Variants in DMXL2 observed in about 807,000 individuals in gnomAD.
The protein encoded by DMXL2 is dmX-like protein 2.
DMXL2 carries 103 observed loss-of-function variants against 331.1 expected under a neutral mutation model. The ratio of observed to expected loss-of-function variants is 0.31; its 90% CI spans 0.27 to 0.37. The LOEUF (loss-of-function observed/expected upper bound fraction) is 0.37. Ranked by LOEUF, DMXL2 falls within the 10% of genes least tolerant of loss-of-function variation. The probability of loss-of-function intolerance (pLI) is 1.00; values close to 1 mark genes in which losing one functional copy is unlikely to be tolerated. For synonymous variants in DMXL2, 1,281 were observed against 1,252.1 expected, an observed-to-expected ratio of 1.02 and a Z score of -0.49; for missense variants, 3,171 against 3,642.9, an observed-to-expected ratio of 0.87 and a Z score of 3.33.
At chr15:51,507,738 T>C (rs766495391) in intron 15 of DMXL2, among the ~76,000 whole-genome samples, 5 of 151,894 alleles carry the variant, frequency 3.3e-5, no homozygotes, top group Admixed American at 6.6e-5. Flanking sequence ...TTACGCCTTA[T>C]TTAGAAAACT....
At position 51,480,656 on chromosome 15, in the gene DMXL2, T is replaced by C; in HGVS notation, c.6450A>G (p.Lys2150=). ...HAERRKSWLQ[K]NQDLLRVFLS... is the part of the protein sequence containing the mutation. ...GAAATACTCTCAGGAGATCTTGGTT[T>C]TTCTGCAACCACGACTTTCGTCTTT... Residue 2150 remains lysine (K), a synonymous_variant, in exon 24 of 44, where the codon AAA becomes AAG. Coordinates refer to ENST00000560891, the MANE Select transcript of DMXL2 (RefSeq NM_001378457.1). 1 of 1,612,822 alleles carries C rather than the reference T, an allele frequency of 6.2e-7. No homozygotes were observed.
chr15:51,621,942 G>C (rs1285115335), intron 1 of DMXL2, among the ~76,000 whole-genome samples: 1 of 152,154 alleles, frequency 6.6e-6, no homozygotes, highest in Non-Finnish European at 1.5e-5. Context: ...ACAGAGTCAG[G>C]CTTAAAGCCA....
chr15:51,591,574 G>A (rs962115078), intron 1 of DMXL2, among the ~76,000 whole-genome samples: 1 of 152,238 alleles, frequency 6.6e-6, no homozygotes. Context: ...CAGCCTTGAA[G>A]AGAGCAGTGG....
intron 42 of DMXL2, among the ~76,000 whole-genome samples, chr15:51,451,338 C>T (rs1032389307): frequency 1.3e-5 from 2 of 152,160 alleles, no homozygotes; most frequent in Non-Finnish European, 2.9e-5. Flanking sequence ...TTCTATTAAG[C>T]TCAATGAATA....
chr15:51,574,996 A>G (rs748559431), intron 2 of DMXL2, among the ~76,000 whole-genome samples: 1 of 152,144 alleles, frequency 6.6e-6, no homozygotes, highest in Non-Finnish European at 1.5e-5. Flanking sequence ...GACACTCCCC[A>G]TGTTTTCTAA....
chr15:51,498,813 G>A lies in DMXL2; in HGVS notation c.4411C>T (p.Leu1471=), dbSNP rs900569322. ...GTTGGTATATCCTGGATTTGAAACA[G>A]CTCTGAATACTGATCCTCTGGTTGA... ...VSQPEDQYSE[L]FQIQDIPTDD... Residue 1471 remains leucine, a synonymous_variant, in exon 18 of 44, where the codon CTG becomes TTG. Transcript: ENST00000560891. 1.2e-6 allele frequency: 2 copies of A among 1,614,044 alleles called. No individual in the cohort carries two copies. Among genetic ancestry groups the A allele is most frequent in the Admixed American group, 3.3e-5 (2 of 60,008 alleles).
At chr15:51,535,575 A>G (rs564367559) in intron 13 of DMXL2, 88 bp downstream of exon 13, 1 of 1,237,698 alleles carries the variant, frequency 8.1e-7, no homozygotes, top group South Asian at 1.7e-5. Context: ...CTCCCTAAAC[A>G]GCAACTAACA....
At chr15:51,546,155 CTAT>C (rs2048878721) in intron 7 of DMXL2, among the ~76,000 whole-genome samples, 1 of 152,066 alleles carries the variant, frequency 6.6e-6, no homozygotes, top group South Asian at 2.1e-4. Flanking sequence ...ATCCTCCTTC[CTAT>C]AACCCAAACA....
At chr15:51,540,441 G>A (rs1386191271) in intron 9 of DMXL2, among the ~76,000 whole-genome samples, 1 of 152,038 alleles carries the variant, frequency 6.6e-6, no homozygotes. Flanking sequence ...GGTATATTTA[G>A]GGTATTGTAA....
chr15:51,571,652 C>T (rs893679441), intron 2 of DMXL2, among the ~76,000 whole-genome samples: 1 of 152,204 alleles, frequency 6.6e-6, no homozygotes, highest in Non-Finnish European at 1.5e-5. Flanking sequence ...CTCACAACTA[C>T]GTGCAAACTG....
In DMXL2 at chr15:51,549,699, C is replaced by T. The variant is rs1022455889; in HGVS notation, c.568-2291G>A. Among the ~76,000 whole-genome samples, 7 of 152,204 alleles carry T rather than the reference C, an allele frequency of 4.6e-5. No individual in the cohort carries two copies. The East Asian group carries it at 1.4e-3, about 29-fold the overall frequency. On this transcript the variant is annotated intron_variant, in intron 6 of 43. Transcript: ENST00000560891. ...GCATTGTGGTTTTGGTTTGCATTTCCCTGATCATTAGTGACGTTGAGCATT... is the reference window on the plus strand; with the variant it reads ...GCATTGTGGTTTTGGTTTGCATTTCTCTGATCATTAGTGACGTTGAGCATT...
intron 22 of DMXL2, among the ~76,000 whole-genome samples, chr15:51,487,744 CA>C (rs1316403447): frequency 6.6e-6 from 1 of 152,218 alleles, no homozygotes; most frequent in African/African-American, 2.4e-5. Flanking sequence ...AGGCGTGAGC[CA>C]CCATGCCCAG....
In DMXL2 at chr15:51,622,711, C is replaced by T. The variant is rs1264199378; in HGVS notation, c.-166G>A. ...CCCTTTCGCCTTCCCTCCGCCTCGT[C>T]CCTGCCATGGGAGCTCCTCGACCGC... On this transcript the variant is annotated 5_prime_UTR_variant, in exon 1 of 44. Coordinates refer to ENST00000560891, the MANE Select transcript of DMXL2 (RefSeq NM_001378457.1). 2.2e-6 allele frequency: 3 copies of T among 1,346,380 alleles called. No individual in the cohort carries two copies. Among genetic ancestry groups the T allele is most frequent in the African/African-American group, 3.0e-5 (2 of 66,140 alleles). The allele number at this position is 1,346,380 out of a possible 1,614,324, so 83.4% of individuals were successfully genotyped here. A position where few individuals can be genotyped will look rare whatever the true frequency, so the allele number is the denominator to read the frequency against.
intron 27 of DMXL2, 53 bp from the exon 28 acceptor site, chr15:51,474,645 G>GA: frequency 1.3e-6 from 2 of 1,502,378 alleles, no homozygotes; most frequent in Middle Eastern, 2.2e-4. Context: ...GCACCAGAAG[G>GA]AAAAAACATC....
intron 39 of DMXL2, among the ~76,000 whole-genome samples, 178 bp from the exon 40 acceptor site, chr15:51,455,406 A>T (rs551169922): frequency 2.8e-4 from 42 of 151,938 alleles, no homozygotes; most frequent in Admixed American, 1.5e-3. Context: ...CTTTTTTTTT[A>T]AATTTTTTTA....
At chr15:51,479,276 T>C (rs1567005375) in intron 25 of DMXL2, among the ~76,000 whole-genome samples, 1 of 151,946 alleles carries the variant, frequency 6.6e-6, no homozygotes, top group Admixed American at 6.6e-5. Flanking sequence ...AAATAAAAAA[T>C]AAGAAAACAG....
intron 1 of DMXL2, among the ~76,000 whole-genome samples, chr15:51,617,553 G>A (rs2054364331): frequency 6.6e-6 from 1 of 152,180 alleles, no homozygotes; most frequent in Non-Finnish European, 1.5e-5. Flanking sequence ...ATCAAGTCTT[G>A]TAAATACAAG....
intron 39 of DMXL2, 71 bp downstream of exon 39, chr15:51,455,995 C>T (rs1783132426): frequency 9.6e-6 from 15 of 1,564,838 alleles, no homozygotes; most frequent in Non-Finnish European, 1.1e-5. Context: ...TTTCGATGCA[C>T]TTTTATCACT....
chr15:51,520,691 T>C (rs1341141158), intron 13 of DMXL2, among the ~76,000 whole-genome samples: 1 of 152,118 alleles, frequency 6.6e-6, no homozygotes, highest in Non-Finnish European at 1.5e-5. Context: ...ACCCTGTATC[T>C]ACTAAAAATA....
Sources: allele counts gnomAD v4.1 joint callset (sites outside exome capture counted in the v4.1 genomes callset), GRCh38; gene constraint gnomAD v4.1.1; transcripts MANE v1.5; gene names NCBI Gene and HGNC (gene_info 2026-07-23, HGNC 2026-07-21).